Variants in CNNM3 observed in about 807,000 individuals in gnomAD.
CNNM3 encodes the protein metal transporter CNNM3.
CNNM3 carries 47 observed loss-of-function variants against 57.1 expected under a neutral mutation model. The observed-to-expected ratio is 0.82, with a 90% CI of 0.65 to 1.05. The LOEUF (loss-of-function observed/expected upper bound fraction) is 1.05, where lower values mean the gene tolerates loss of function less well. Among genes scored for constraint, CNNM3 ranks in the 50% least tolerant of loss-of-function variants. The pLI is 0.00. For synonymous variants in CNNM3, 507 were observed against 478.2 expected, an observed-to-expected ratio of 1.06 and a Z score of -0.79; for missense variants, 957 against 973.7, an observed-to-expected ratio of 0.98 and a Z score of 0.23.
chr2:96,820,947 C>T (rs2079395609), intron 1 of CNNM3, among the ~76,000 whole-genome samples: 1 of 152,192 alleles, frequency 6.6e-6, no homozygotes, highest in African/African-American at 2.4e-5. Flanking sequence ...TGGGTGGCCT[C>T]CAGGCAGGTC....
In CNNM3 at chr2:96,828,120, G is replaced by A. The variant is rs1360606313; in HGVS notation, c.1711G>A (p.Gly571Arg). The change falls in exon 5 of 8, where the codon GGG becomes AGG. Residue 571 changes from glycine to arginine, a missense_variant. Physicochemically the swap from Gly to Arg is moderately radical, Grantham distance 125. Transcript: ENST00000305510. ...ILQGRVEVEI[G>R]KEGLKFENGA... ...CCAGGGCAGGGTTGAAGTGGAGATC[G>A]GGAAAGAGGGTCTGAAGTTTGAGAA... 13 of 1,613,940 alleles carry A rather than the reference G, an allele frequency of 8.1e-6. No individual in the cohort carries two copies. Among genetic ancestry groups the A allele is most frequent in the African/African-American group, 1.3e-5 (1 of 74,880 alleles).
At chr2:96,828,897 G>A in intron 6 of CNNM3, 99 bp from the exon 7 acceptor site, 7 of 1,551,618 alleles carry the variant, frequency 4.5e-6, no homozygotes, top group Admixed American at 1.8e-5. Context: ...CTAGCTTAAA[G>A]TTGTGCCTCT....
chr2:96,830,060 G>T (rs984169068), intron 7 of CNNM3, among the ~76,000 whole-genome samples: 2 of 152,246 alleles, frequency 1.3e-5, no homozygotes, highest in African/African-American at 2.4e-5. Context: ...AAGGAGGGAG[G>T]TGAAAGAGTC....
At position 96,828,551 on chromosome 2, in the gene CNNM3, A is replaced by ATTGTTCCT. The variant is rs756870572; in HGVS notation, c.1787-12_1787-5dup. ...GCCAGCATGGCTCCTGCCATCACTG[A>ATTGTTCCT]TTGTTCCTTTGATAGTTCACCAGTC... On this transcript the variant is annotated splice_polypyrimidine_tract_variant and intron_variant, in intron 5 of 7. Transcript: ENST00000305510. The ATTGTTCCT allele has an allele frequency of 3.7e-6, 6 of 1,613,918 alleles. No individual in the cohort carries two copies. In the Admixed American group the frequency reaches 1.0e-4, roughly 27 times the overall value.
chr2:96,832,539 T>G lies in CNNM3; in HGVS notation c.2060-13T>G. The G allele has an allele frequency of 3.7e-6, 6 of 1,614,078 alleles. No homozygotes were observed. Among genetic ancestry groups the G allele is most frequent in the Non-Finnish European group, 5.1e-6 (6 of 1,179,962 alleles). On this transcript the variant is annotated splice_polypyrimidine_tract_variant and intron_variant, in intron 7 of 7. Transcript: ENST00000305510. ...AGCTTTGATGTTAATTCTCCTTCCC[T>G]TGTCTCCTGTAGGGTCCAGCCACAG...
downstream of CNNM3, among the ~76,000 whole-genome samples, chr2:96,836,319 T>C (rs1217800044): frequency 1.3e-5 from 2 of 150,994 alleles, no homozygotes; most frequent in Non-Finnish European, 2.9e-5. Flanking sequence ...CTCGGCTCAC[T>C]GCAACCTCCG....
At chr2:96,832,526 A>C in intron 7 of CNNM3, 26 bp from the exon 8 acceptor site, 1 of 1,613,834 alleles carries the variant, frequency 6.2e-7, no homozygotes, top group Non-Finnish European at 8.5e-7. Context: ...CTTTGATGTT[A>C]ATTCTCCTTC....
intron 2 of CNNM3, among the ~76,000 whole-genome samples, chr2:96,825,630 C>T (rs901957239): frequency 1.3e-5 from 2 of 150,866 alleles, no homozygotes; most frequent in African/African-American, 5.0e-5. Flanking sequence ...TGGCTGGGCG[C>T]AGTGGCTCAC....
At position 96,827,863 on chromosome 2, in the gene CNNM3, G is replaced by A. The variant is rs767042346; in HGVS notation, c.1652G>A (p.Arg551His). The change falls in exon 4 of 8, where the codon CGC becomes CAC. Residue 551 changes from arginine (R) to histidine (H), a missense_variant. Coordinates refer to ENST00000305510, the MANE Select transcript of CNNM3 (RefSeq NM_017623.5). ...GCCACACACCACTACCTGTACCAGC[G>A]CAGCCAGCCGGTGGATTACTTCATT... ...RLATHHYLYQ[R>H]SQPVDYFILI... The A allele has an allele frequency of 1.6e-5, 26 of 1,613,828 alleles. No individual in the cohort carries two copies. The highest frequency in any genetic ancestry group is 2.2e-5 in the East Asian group (1 of 44,884).
Position 96,835,236 on chromosome 2 carries a change from A to T in CNNM3, c.*2620A>T, listed in dbSNP as rs1456685991. On this transcript the variant is annotated 3_prime_UTR_variant, in exon 8 of 8. Coordinates refer to ENST00000305510, the MANE Select transcript of CNNM3 (RefSeq NM_017623.5). ...TTTCACTCGGCGTCATTCTCGGGAG[A>T]TCATCCAGGCATTGCATGTGTCAAC... 6.6e-6 allele frequency among the ~76,000 whole-genome samples: 1 copy of T among 152,072 alleles called. No individual in the cohort carries two copies.
At chr2:96,825,303 A>T in intron 2 of CNNM3, 102 bp downstream of exon 2, 1 of 1,411,536 alleles carries the variant, frequency 7.1e-7, no homozygotes, top group Non-Finnish European at 9.5e-7. Context: ...GCTGGAACCC[A>T]GCAAGATCCA....
intron 1 of CNNM3, among the ~76,000 whole-genome samples, chr2:96,821,733 G>A (rs2079409617): frequency 6.6e-6 from 1 of 152,142 alleles, no homozygotes; most frequent in African/African-American, 2.4e-5. Flanking sequence ...GTTCAGCCTG[G>A]CCCACCTTAA....
rs767022280 is a variant in CNNM3 at position 96,828,627 on chromosome 2, G to C, written c.1847G>C (p.Gly616Ala). Reference sequence around the variant, plus strand: ...CGCCATGACCTGCAGCCCGACCCAGGTGACGGCACGCATTCATCTGCGTAT... The same window carrying C: ...CGCCATGACCTGCAGCCCGACCCAGCTGACGGCACGCATTCATCTGCGTAT... ...PIRHDLQPDPGDGTHSSAYCP... is the reference protein window; with the variant it reads ...PIRHDLQPDPADGTHSSAYCP... The change falls in exon 6 of 8, where the codon GGT (glycine) becomes GCT (alanine). Residue 616 changes from glycine (G) to alanine (A), a missense_variant. Coordinates refer to ENST00000305510, the MANE Select transcript of CNNM3 (RefSeq NM_017623.5). 1 of 1,614,178 alleles carries C rather than the reference G, an allele frequency of 6.2e-7. No individual in the cohort carries two copies. Among genetic ancestry groups the C allele is most frequent in the Non-Finnish European group, 8.5e-7 (1 of 1,180,032 alleles).
At position 96,817,438 on chromosome 2, in the gene CNNM3, C is replaced by T; in HGVS notation, c.1161C>T (p.Asn387=). 6.2e-7 allele frequency: 1 copy of T among 1,614,120 alleles called. No individual in the cohort carries two copies. The stretch of plus-strand genomic sequence containing the variant: ...TCAGCACCATCACTCGTTTCTACAA[C>T]CATCCGCTCCACTTCGTCTTCAACG... The part of the protein sequence containing the change: ...TPLSTITRFY[N]HPLHFVFNDT... Residue 387 remains asparagine (N), a synonymous_variant, in exon 1 of 8, where the codon AAC becomes AAT. Transcript: ENST00000305510.
At chr2:96,828,342 C>T (rs1223397868) in intron 5 of CNNM3, 147 bp downstream of exon 5, 3 of 840,986 alleles carry the variant, frequency 3.6e-6, no homozygotes, top group Non-Finnish European at 5.6e-6. Context: ...CCTGGGCTTC[C>T]AGGAGGGAGG....
chr2:96,829,120 C>A lies in CNNM3; in HGVS notation c.2045C>A (p.Thr682Asn). ...GSQTRLLGEK[T>N]TTAAGSSHSR... Reference sequence around the variant, plus strand: ...CAGACCAGGCTCCTTGGTGAGAAGACCACCACAGCGGCAGGTGAGTGCCAA... The same window carrying A: ...CAGACCAGGCTCCTTGGTGAGAAGAACACCACAGCGGCAGGTGAGTGCCAA... The change falls in exon 7 of 8, where the codon ACC becomes AAC. Residue 682 changes from threonine (T) to asparagine (N), a missense_variant. Physicochemically the swap from Thr to Asn is moderately conservative, Grantham distance 65. Transcript: ENST00000305510. 6.2e-7 allele frequency: 1 copy of A among 1,613,910 alleles called. No individual in the cohort carries two copies. The highest frequency in any genetic ancestry group is 1.1e-5 in the South Asian group (1 of 91,078).
intron 7 of CNNM3, 103 bp downstream of exon 7, chr2:96,829,237 T>C (rs887698006): frequency 7.3e-7 from 1 of 1,376,810 alleles, no homozygotes; most frequent in Non-Finnish European, 9.4e-7. Context: ...TCTGTCTTTT[T>C]TCTCTCTTTT....
At chr2:96,825,233 G>A (rs370626650) in intron 2 of CNNM3, 32 bp downstream of exon 2, 33 of 1,611,054 alleles carry the variant, frequency 2.0e-5, no homozygotes, top group Middle Eastern at 3.3e-4. Flanking sequence ...TTCTGTCTCC[G>A]CTGGGCCTGC....
rs1456122024 is a variant in CNNM3, at chr2:96,817,143, G to A, written c.866G>A (p.Arg289Gln). The A allele has an allele frequency of 4.4e-6, 6 of 1,372,990 alleles. No homozygotes were observed. Among genetic ancestry groups the A allele is most frequent in the East Asian group, 2.9e-5 (1 of 34,444 alleles). 85.1% of individuals were successfully genotyped at this position (1,372,990 alleles called of 1,614,324 possible). A position where few individuals can be genotyped will look rare whatever the true frequency, so the allele number is the denominator to read the frequency against. Residue 289 changes from arginine to glutamine, a missense_variant, in exon 1 of 8, where the codon CGG (arginine) becomes CAG (glutamine). By Grantham distance (43) the Arg-to-Gln change is conservative (BLOSUM62 1). Coordinates refer to ENST00000305510, the MANE Select transcript of CNNM3 (RefSeq NM_017623.5). ...GCGCGGCCCGGGCGGCTGCGGGAGC[G>A]GGTGCTGGAGCTGGCGCGCGGCGGC... is the stretch of plus-strand genomic sequence containing the variant. ...LAARPGRLRE[R>Q]VLELARGGGD...
Sources: gnomAD v4.1 joint callset for allele counts (sites outside exome capture counted in the v4.1 genomes callset) on GRCh38, gnomAD v4.1.1 for gene constraint, MANE v1.5 for transcripts, NCBI Gene and HGNC (gene_info 2026-07-23, HGNC 2026-07-21) for gene names.